Variants in UVRAG observed in about 807,000 individuals in gnomAD.
The protein encoded by UVRAG is UV radiation resistance associated.
Under a neutral mutation model 78.0 loss-of-function variants are expected in UVRAG, and 19 were observed. That is an observed-to-expected ratio of 0.24 (90% CI 0.17 to 0.36). UVRAG has a LOEUF of 0.36. Among genes scored for constraint, UVRAG ranks in the 10% least tolerant of loss-of-function variants. The probability of loss-of-function intolerance (pLI) is 1.00; values close to 1 mark genes in which losing one functional copy is unlikely to be tolerated. For synonymous variants in UVRAG, 323 were observed against 324.6 expected (o/e 1.00, Z 0.05); for missense variants, 740 against 853.8 (o/e 0.87, Z 1.66).
chr11:75,994,547 T>G (rs17134497), intron 8 of UVRAG, among the ~76,000 whole-genome samples: 13,575 of 152,276 alleles, frequency 0.089, 1,321 homozygotes, highest in African/African-American at 0.25. Context: ...AGTAGATAAC[T>G]TTTATTGAAA....
At chr11:75,864,989 A>AC (rs1946506093) in intron 3 of UVRAG, among the ~76,000 whole-genome samples, 1 of 152,124 alleles carries the variant, frequency 6.6e-6, no homozygotes, top group South Asian at 2.1e-4. Context: ...GGAAAAATGG[A>AC]CTCAAGATTA....
intron 7 of UVRAG, among the ~76,000 whole-genome samples, chr11:75,965,468 C>T (rs1275996366): frequency 1.3e-5 from 2 of 152,160 alleles, no homozygotes; most frequent in South Asian, 2.1e-4. Context: ...TCCACCACCA[C>T]GCCCAGTTAA....
intron 8 of UVRAG, among the ~76,000 whole-genome samples, chr11:75,996,485 G>A (rs1949710236): frequency 1.3e-5 from 2 of 152,106 alleles, no homozygotes; most frequent in Admixed American, 1.3e-4. Flanking sequence ...TAGGAACACA[G>A]AATATAAACA....
At chr11:76,037,179 T>C (rs1238820652) in intron 12 of UVRAG, among the ~76,000 whole-genome samples, 3 of 152,062 alleles carry the variant, frequency 2.0e-5, no homozygotes, top group Non-Finnish European at 2.9e-5. Context: ...TAGACAAATA[T>C]CTTTCATACT....
intron 13 of UVRAG, among the ~76,000 whole-genome samples, chr11:76,085,151 T>C (rs1441958343): frequency 6.6e-6 from 1 of 151,632 alleles, no homozygotes; most frequent in East Asian, 1.9e-4. Context: ...GTTCAACAGA[T>C]ATTTCTTCAT....
chr11:75,953,695 T>A (rs1287511301), intron 6 of UVRAG, among the ~76,000 whole-genome samples: 1 of 152,030 alleles, frequency 6.6e-6, no homozygotes, highest in Admixed American at 6.6e-5. Context: ...TAATTTTTTT[T>A]ATTCAATGTA....
chr11:76,104,827 A>G (rs1253635551), intron 13 of UVRAG, among the ~76,000 whole-genome samples: 1 of 152,166 alleles, frequency 6.6e-6, no homozygotes, highest in Non-Finnish European at 1.5e-5. Flanking sequence ...ATGTAATCCA[A>G]TTTATAGCAA....
At chr11:76,095,483 T>A (rs1156574579) in intron 13 of UVRAG, among the ~76,000 whole-genome samples, 7 of 151,306 alleles carry the variant, frequency 4.6e-5, no homozygotes, top group East Asian at 3.9e-4. Context: ...TGTAAAAAAA[T>A]TTGTGATATA....
At chr11:75,971,846 C>T (rs1032377411) in intron 7 of UVRAG, among the ~76,000 whole-genome samples, 8 of 152,096 alleles carry the variant, frequency 5.3e-5, no homozygotes, top group South Asian at 4.1e-4. Context: ...CCACCATGCC[C>T]GGCTAGATGT....
intron 6 of UVRAG, among the ~76,000 whole-genome samples, chr11:75,960,228 T>A (rs546485817): frequency 7.2e-5 from 11 of 152,174 alleles, no homozygotes; most frequent in South Asian, 4.1e-4. Flanking sequence ...TTCTTTTTTT[T>A]AAATATCTAT....
chr11:75,980,934 G>A (rs1265561383), intron 7 of UVRAG, among the ~76,000 whole-genome samples: 2 of 152,102 alleles, frequency 1.3e-5, no homozygotes, highest in African/African-American at 4.8e-5. Flanking sequence ...ACGTGCCTCA[G>A]TCTCCCAAAG....
At chr11:76,123,902 A>G (rs1335548228) in intron 14 of UVRAG, among the ~76,000 whole-genome samples, 2 of 152,124 alleles carry the variant, frequency 1.3e-5, no homozygotes, top group Non-Finnish European at 2.9e-5. Flanking sequence ...AGTAGCTGGG[A>G]TTATAGGCAC....
chr11:76,133,906 G>C (rs759200206), intron 14 of UVRAG, among the ~76,000 whole-genome samples: 2 of 151,124 alleles, frequency 1.3e-5, no homozygotes, highest in Non-Finnish European at 3.0e-5. Context: ...TGATTGATTT[G>C]GGTCTTTTTC....
intron 6 of UVRAG, among the ~76,000 whole-genome samples, chr11:75,912,739 A>G (rs900797633): frequency 2.6e-5 from 4 of 152,252 alleles, no homozygotes; most frequent in African/African-American, 7.2e-5. Flanking sequence ...TACGTGACAC[A>G]TAATACATTT....
intron 5 of UVRAG, among the ~76,000 whole-genome samples, chr11:75,892,142 G>A (rs1590983428): frequency 6.6e-6 from 1 of 152,148 alleles, no homozygotes; most frequent in East Asian, 1.9e-4. Context: ...CAAAGCCTGA[G>A]CCTCCAAGCC....
At chr11:75,880,837 G>A (rs1434786502) in intron 4 of UVRAG, among the ~76,000 whole-genome samples, 1 of 151,564 alleles carries the variant, frequency 6.6e-6, no homozygotes, top group African/African-American at 2.4e-5. Flanking sequence ...TTACAGGTGT[G>A]AGCCACTGTG....
At chr11:75,901,278 T>C (rs1313529272) in intron 5 of UVRAG, among the ~76,000 whole-genome samples, 1 of 152,188 alleles carries the variant, frequency 6.6e-6, no homozygotes, top group East Asian at 1.9e-4. Flanking sequence ...TGTTTTTTTT[T>C]CCCTTGCCCA....
At chr11:75,883,443 T>C (rs1258435419) in intron 4 of UVRAG, among the ~76,000 whole-genome samples, 1 of 150,682 alleles carries the variant, frequency 6.6e-6, no homozygotes, top group Non-Finnish European at 1.5e-5. Context: ...CTTAAGATCA[T>C]TGTAGAAAGT....
At chr11:75,957,315 T>A (rs1158727435) in intron 6 of UVRAG, among the ~76,000 whole-genome samples, 2 of 152,144 alleles carry the variant, frequency 1.3e-5, no homozygotes, top group East Asian at 3.8e-4. Flanking sequence ...TTAAAAAACT[T>A]TGTTTTCTGC....
Sources: gnomAD v4.1 joint callset for allele counts (sites outside exome capture counted in the v4.1 genomes callset) on GRCh38, gnomAD v4.1.1 for gene constraint, MANE v1.5 for transcripts, NCBI Gene and HGNC (gene_info 2026-07-23, HGNC 2026-07-21) for gene names.